Variants in ACYP2 observed in about 807,000 individuals in gnomAD.
ACYP2 encodes acylphosphatase-2.
Under a neutral mutation model 11.2 loss-of-function variants are expected in ACYP2, and 12 were observed. That is an observed-to-expected ratio of 1.08 (90% confidence interval 0.69 to 1.74). The LOEUF is 1.74. Among genes scored for constraint, ACYP2 ranks in the 40% most tolerant of loss-of-function variants. ACYP2 has a pLI of 0.00. For synonymous variants in ACYP2, 43 were observed against 32.2 expected (o/e 1.33, Z -1.13); for missense variants, 134 against 101.9 (o/e 1.31, Z -1.35).
rs553287755 is a variant in ACYP2, at chr2:54,113,369, A to G, written c.278-22084A>G. 3.3e-5 allele frequency among the ~76,000 whole-genome samples: 5 copies of G among 152,010 alleles called. No individual in the cohort carries two copies. In the East Asian group the frequency reaches 7.7e-4, roughly 24 times the overall value. The stretch of plus-strand genomic sequence containing the variant: ...ATCCTACTCCCACCTCAGCCTCCCA[A>G]GTAGCTGGGACTACAGGCACAGGCC... On this transcript the variant is annotated intron_variant, in intron 4 of 6. Coordinates refer to ENST00000607452, the MANE Select transcript of ACYP2 (RefSeq NM_001320586.2).
At chr2:54,004,605 T>G (rs1021395222) in intron 2 of ACYP2, among the ~76,000 whole-genome samples, 1 of 151,112 alleles carries the variant, frequency 6.6e-6, no homozygotes, top group Admixed American at 6.6e-5. Context: ...TAGAGACGGG[T>G]TTCACAGTGT....
chr2:54,272,022 A>C (rs1688326107), intron 6 of ACYP2, among the ~76,000 whole-genome samples: 1 of 152,206 alleles, frequency 6.6e-6, no homozygotes, highest in Non-Finnish European at 1.5e-5. Flanking sequence ...CAAGAAACAT[A>C]CATGTTACTT....
Position 54,174,231 on chromosome 2 carries a change from T to A in ACYP2, c.404+35483T>A, listed in dbSNP as rs538428921. Among the ~76,000 whole-genome samples the A allele has an allele frequency of 7.0e-3, 1,060 of 152,314 alleles. 20 individuals carry two copies. Among genetic ancestry groups the A allele is most frequent in the African/African-American group, 0.025 (1,025 of 41,552 alleles). On this transcript the variant is annotated intron_variant, in intron 6 of 6. Transcript: ENST00000607452. ...GTTGAGCAGTGATTTGTAGTTCTCC[T>A]TGAAGAGGTCCTTCACATCCCTTGT...
chr2:54,278,699 T>G (rs1688721066), intron 6 of ACYP2, among the ~76,000 whole-genome samples: 7 of 152,236 alleles, frequency 4.6e-5, no homozygotes. Context: ...ATTCTTTTGC[T>G]TAGTAGCCAT....
chr2:54,112,973 C>T, intron 4 of ACYP2, among the ~76,000 whole-genome samples: 1 of 152,254 alleles, frequency 6.6e-6, no homozygotes, highest in East Asian at 1.9e-4. Context: ...AGGAAAATGT[C>T]AACCTTCCCA....
chr2:54,177,822 G>GC lies in ACYP2; in HGVS notation c.404+39079dup, dbSNP rs1419881218. Reference sequence around the variant, plus strand: ...TCGAACTCCTGACCTCAGATGATTCGCCCCCACTCGGCCTCCCAGAGTGCT... The same window carrying GC: ...TCGAACTCCTGACCTCAGATGATTCGCCCCCCACTCGGCCTCCCAGAGTGCT... On this transcript the variant is annotated intron_variant, in intron 6 of 6. Transcript: ENST00000607452. 6.4e-4 allele frequency among the ~76,000 whole-genome samples: 95 copies of GC among 149,408 alleles called. 1 individual carries two copies. The highest frequency in any genetic ancestry group is 6.0e-3 in the Admixed American group (90 of 14,980).
intron 3 of ACYP2, among the ~76,000 whole-genome samples, chr2:54,056,444 G>C (rs1676157671): frequency 6.6e-6 from 1 of 152,220 alleles, no homozygotes; most frequent in South Asian, 2.1e-4. Context: ...GAGTTTAACA[G>C]AAGCATAATA....
chr2:54,174,897 T>G (rs1263252296), intron 6 of ACYP2, among the ~76,000 whole-genome samples: 1 of 152,202 alleles, frequency 6.6e-6, no homozygotes, highest in Non-Finnish European at 1.5e-5. Context: ...TCGTGGTGGA[T>G]AAGATTTTTG....
At chr2:54,133,421 CT>C (rs34361625) in intron 4 of ACYP2, among the ~76,000 whole-genome samples, 535 of 151,730 alleles carry the variant, frequency 3.5e-3, no homozygotes, top group African/African-American at 5.0e-3. Flanking sequence ...AATTTAAGCA[CT>C]TTTTTTTTCT....
chr2:54,153,316 A>T (rs551482000), intron 6 of ACYP2, among the ~76,000 whole-genome samples: 6 of 151,958 alleles, frequency 3.9e-5, no homozygotes, highest in African/African-American at 9.7e-5. Flanking sequence ...TGGGCTCTCT[A>T]TCCTGTTCCA....
chr2:54,132,437 C>G (rs1431755239), intron 4 of ACYP2, among the ~76,000 whole-genome samples: 3 of 152,134 alleles, frequency 2.0e-5, no homozygotes, highest in Non-Finnish European at 4.4e-5. Context: ...ATTTGTGATA[C>G]TATCCTGTCT....
At chr2:54,096,702 G>C (rs923301646) in intron 4 of ACYP2, among the ~76,000 whole-genome samples, 10 of 152,304 alleles carry the variant, frequency 6.6e-5, no homozygotes, top group Admixed American at 5.9e-4. Flanking sequence ...GTGTGGCGGC[G>C]CGCGCCTGCA....
At chr2:54,133,967 A>G (rs2103772324) in intron 4 of ACYP2, among the ~76,000 whole-genome samples, 1 of 152,348 alleles carries the variant, frequency 6.6e-6, no homozygotes, top group Middle Eastern at 3.4e-3. Flanking sequence ...AGTATAGGAT[A>G]CCATCATAGT....
chr2:53,971,158 G>T lies in ACYP2; in HGVS notation c.-200G>T, dbSNP rs2949815. On this transcript the variant is annotated 5_prime_UTR_variant, in exon 1 of 7. Coordinates refer to ENST00000607452, the MANE Select transcript of ACYP2 (RefSeq NM_001320586.2). ...AACGGGCTGCGCCTTCTTCGCCGTG[G>T]GCCCGGCTCGGAGCCCCCACCCCAG... The T allele has an allele frequency of 0.3, 56,397 of 188,468 alleles. 9,350 individuals are homozygous for T. The highest frequency in any genetic ancestry group is 0.47 in the South Asian group (2,765 of 5,900). The allele number at this position is 188,468 out of a possible 1,614,324, so 11.7% of individuals were successfully genotyped here.
intron 6 of ACYP2, among the ~76,000 whole-genome samples, chr2:54,234,735 C>G (rs1686396706): frequency 6.6e-6 from 1 of 152,206 alleles, no homozygotes; most frequent in Non-Finnish European, 1.5e-5. Flanking sequence ...TGGGCTTCAT[C>G]TTCAACATTG....
intron 2 of ACYP2, among the ~76,000 whole-genome samples, chr2:53,990,091 G>C (rs925527615): frequency 9.3e-5 from 14 of 149,990 alleles, no homozygotes; most frequent in Admixed American, 2.7e-4. Context: ...CAATTCTCCT[G>C]CCTCAGCCTC....
intron 2 of ACYP2, among the ~76,000 whole-genome samples, chr2:54,003,290 A>G (rs1003819528): frequency 6.1e-5 from 9 of 147,406 alleles, no homozygotes; most frequent in Admixed American, 5.4e-4. Flanking sequence ...ACAGAGTTTC[A>G]CTCTTGTTGC....
chr2:54,107,963 C>A lies in ACYP2; in HGVS notation c.278-27490C>A, dbSNP rs190011095. On this transcript the variant is annotated intron_variant, in intron 4 of 6. Coordinates refer to ENST00000607452, the MANE Select transcript of ACYP2 (RefSeq NM_001320586.2). ...ATGCATCCCCTGCCATCATCAGAAG[C>A]TGCCATGCTCTGGAAACTGCCACAT... Among the ~76,000 whole-genome samples, 742 of 152,276 alleles carry A rather than the reference C, an allele frequency of 4.9e-3. 2 individuals carry two copies. The highest frequency in any genetic ancestry group is 9.7e-3 in the Admixed American group (149 of 15,288).
At chr2:54,177,488 GC>G (rs1332517590) in intron 6 of ACYP2, among the ~76,000 whole-genome samples, 1 of 151,826 alleles carries the variant, frequency 6.6e-6, no homozygotes, top group Non-Finnish European at 1.5e-5. Context: ...TCTTATCCTT[GC>G]CCACACCTTG....
Sources: gnomAD v4.1 joint callset for allele counts (sites outside exome capture counted in the v4.1 genomes callset) on GRCh38, gnomAD v4.1.1 for gene constraint, MANE v1.5 for transcripts, NCBI Gene and HGNC (gene_info 2026-07-23, HGNC 2026-07-21) for gene names.